DSP: variants seen among roughly 807,000 people sequenced by gnomAD.
The protein encoded by DSP is 250/210 kDa paraneoplastic pemphigus antigen.
Under a neutral mutation model 290.6 loss-of-function variants are expected in DSP, and 114 were observed. The ratio of observed to expected loss-of-function variants is 0.39; its 90% confidence interval spans 0.34 to 0.46. The LOEUF is 0.46. DSP is among the 20% of genes least tolerant of loss of function. DSP has a pLI of 0.99. For synonymous variants in DSP, 1,311 were observed against 1,316.4 expected (o/e 1.00, Z 0.09); for missense variants, 3,230 against 3,495.8 (o/e 0.92, Z 1.92).
At chr6:7,563,889 C>T (rs548570087) in intron 6 of DSP, 103 bp downstream of exon 6, 41 of 1,009,140 alleles carry the variant, frequency 4.1e-5, no homozygotes, top group Non-Finnish European at 6.5e-5. Context: ...ACCTGTTCAT[C>T]GATGCTAATG....
intron 4 of DSP, among the ~76,000 whole-genome samples, chr6:7,560,524 G>C (rs1758648551): frequency 6.6e-6 from 1 of 152,174 alleles, no homozygotes; most frequent in Admixed American, 6.5e-5. Flanking sequence ...GATTTTATAT[G>C]TAGTGCCACC....
intron 18 of DSP, among the ~76,000 whole-genome samples, chr6:7,575,726 G>A (rs562189108): frequency 2.6e-5 from 4 of 152,274 alleles, no homozygotes; most frequent in South Asian, 2.1e-4. Context: ...TTAGAGAAAC[G>A]GCAGAAGCCC....
chr6:7,551,270 A>C lies in DSP; in HGVS notation c.171-4448A>C, dbSNP rs146478808. On this transcript the variant is annotated intron_variant, in intron 1 of 23. Coordinates refer to ENST00000379802, the MANE Select transcript of DSP (RefSeq NM_004415.4). ...ATTAAAAAAAAATCTAAAATTGTGT[A>C]GTCAATAACATATATATATATAATC... 3.3e-3 allele frequency among the ~76,000 whole-genome samples: 496 copies of C among 152,170 alleles called. 4 individuals are homozygous for C. Among genetic ancestry groups the C allele is most frequent in the African/African-American group, 0.011 (462 of 41,428 alleles).
chr6:7,542,410 C>T (rs992544915), intron 1 of DSP, among the ~76,000 whole-genome samples: 1 of 152,166 alleles, frequency 6.6e-6, no homozygotes, highest in Non-Finnish European at 1.5e-5. Context: ...TTGTCCCAGC[C>T]CGCGAATGGG....
Position 7,583,579 on chromosome 6 carries a change from C to G in DSP, c.6317C>G (p.Ser2106Cys). 1 of 1,614,182 alleles carries G rather than the reference C, an allele frequency of 6.2e-7. No individual in the cohort carries two copies. The highest frequency in any genetic ancestry group is 8.5e-7 in the Non-Finnish European group (1 of 1,180,032). The change falls in exon 24 of 24, where the codon TCT (serine) becomes TGT (cysteine). Residue 2106 changes from serine (S) to cysteine (C), a missense_variant. By Grantham distance (112) the Ser-to-Cys change is moderately radical. Transcript: ENST00000379802. This position sits in a 1 kb window ranked among gnomAD's most constrained non-coding sequence, Gnocchi z 4.0. ...GATCCATTTTCAGGCAAGACAGTATCTGTTTCAGAAGCCATCAAGAAAAAT... is the reference window on the plus strand; with the variant it reads ...GATCCATTTTCAGGCAAGACAGTATGTGTTTCAGAAGCCATCAAGAAAAAT... ...FDDPFSGKTV[S>C]VSEAIKKNLI...
chr6:7,549,847 G>C (rs892777082), intron 1 of DSP, among the ~76,000 whole-genome samples: 1 of 152,142 alleles, frequency 6.6e-6, no homozygotes, highest in African/African-American at 2.4e-5. Flanking sequence ...GGCAAAGTTA[G>C]GGGGCATGGT....
In DSP at chr6:7,571,383, C is replaced by G; in HGVS notation, c.1702C>G (p.Leu568Val). ...ATCACTTCTGCCTGTCTCCTTTCAGCTGAAAACAATGCGGCAGGAAGATTA... is the reference window on the plus strand; with the variant it reads ...ATCACTTCTGCCTGTCTCCTTTCAGGTGAAAACAATGCGGCAGGAAGATTA... ...EKIRAMTIAK[L>V]KTMRQEDYMK... The change falls in exon 14 of 24, where the codon CTG (leucine) becomes GTG (valine). Residue 568 changes from leucine (L) to valine (V), a missense_variant and splice_region_variant. Physicochemically the swap from Leu to Val is conservative, Grantham distance 32 (BLOSUM62 1). Transcript: ENST00000379802. 6 of 1,614,136 alleles carry G rather than the reference C, an allele frequency of 3.7e-6. No individual in the cohort carries two copies. The highest frequency in any genetic ancestry group is 5.1e-6 in the Non-Finnish European group (6 of 1,180,022).
intron 21 of DSP, 60 bp downstream of exon 21, chr6:7,577,946 C>T: frequency 7.4e-7 from 1 of 1,349,216 alleles, no homozygotes; most frequent in South Asian, 1.2e-5. Flanking sequence ...TTCCCTTTTC[C>T]CTGTCTCCTG....
chr6:7,555,946 T>C, intron 2 of DSP, 126 bp downstream of exon 2: 1 of 799,432 alleles, frequency 1.3e-6, no homozygotes, highest in South Asian at 1.5e-5. Flanking sequence ...AGACACGCTT[T>C]TTCAGAACAG....
chr6:7,567,037 G>C (rs1406245953), intron 8 of DSP, among the ~76,000 whole-genome samples: 1 of 152,178 alleles, frequency 6.6e-6, no homozygotes, highest in Non-Finnish European at 1.5e-5. Flanking sequence ...GGCTCGGTGT[G>C]GCAAAGGGAT....
intron 1 of DSP, among the ~76,000 whole-genome samples, chr6:7,544,299 C>A (rs1278874540): frequency 2.0e-5 from 3 of 152,188 alleles, no homozygotes; most frequent in African/African-American, 7.2e-5. Flanking sequence ...CGCAGTTTTT[C>A]TGGTGGCATT....
intron 1 of DSP, among the ~76,000 whole-genome samples, chr6:7,550,107 G>A (rs1274961935): frequency 6.6e-6 from 1 of 151,852 alleles, no homozygotes; most frequent in African/African-American, 2.4e-5. Flanking sequence ...GTGCAATCTC[G>A]GCTCACTGCA....
At chr6:7,543,215 G>A (rs552877698) in intron 1 of DSP, among the ~76,000 whole-genome samples, 3 of 152,072 alleles carry the variant, frequency 2.0e-5, no homozygotes, top group South Asian at 4.1e-4. Flanking sequence ...GAGGCCCTGA[G>A]CGCCGGGACG....
chr6:7,579,134 G>T lies in DSP; in HGVS notation c.3085-141G>T, dbSNP rs1759334806. On this transcript the variant is annotated intron_variant, in intron 22 of 23. Transcript: ENST00000379802. This position sits in a 1 kb window ranked among gnomAD's most constrained non-coding sequence, Gnocchi z 4.1. Reference sequence around the variant, plus strand: ...GAGAATCCAGATTTCTTGAATATTTGCCTAGTCACTCTTTGCATGTATGTC... The same window carrying T: ...GAGAATCCAGATTTCTTGAATATTTTCCTAGTCACTCTTTGCATGTATGTC... 2 of 1,142,990 alleles carry T rather than the reference G, an allele frequency of 1.7e-6. No individual in the cohort carries two copies. Among genetic ancestry groups the T allele is most frequent in the Non-Finnish European group, 2.5e-6 (2 of 807,972 alleles). 70.8% of individuals were successfully genotyped at this position (1,142,990 alleles called of 1,614,324 possible).
chr6:7,550,518 G>A (rs192314497), intron 1 of DSP, among the ~76,000 whole-genome samples: 16 of 152,076 alleles, frequency 1.1e-4, no homozygotes, highest in Admixed American at 2.6e-4. Flanking sequence ...CATGTGGTCC[G>A]TCTTTGGATT....
chr6:7,585,599 C>T lies in DSP; in HGVS notation c.8337C>T (p.Thr2779=). 6.2e-7 allele frequency: 1 copy of T among 1,614,148 alleles called. No homozygotes were observed. Among genetic ancestry groups the T allele is most frequent in the East Asian group, 2.2e-5 (1 of 44,888 alleles). Residue 2779 remains threonine (T), a synonymous_variant, in exon 24 of 24, where the codon ACC becomes ACT. Coordinates refer to ENST00000379802, the MANE Select transcript of DSP (RefSeq NM_004415.4). ...SYAKILTCPK[T]KLKISYKDAI... is the part of the protein sequence containing the mutation. Reference sequence around the variant, plus strand: ...CCAAAATCCTGACCTGCCCCAAAACCAAATTAAAAATATCCTATAAGGATG... The same window carrying T: ...CCAAAATCCTGACCTGCCCCAAAACTAAATTAAAAATATCCTATAAGGATG...
chr6:7,576,177 A>C (rs1162172613), intron 18 of DSP, 117 bp from the exon 19 acceptor site: 1 of 1,175,600 alleles, frequency 8.5e-7, no homozygotes, highest in Non-Finnish European at 1.2e-6. Context: ...ATAAGTTTTT[A>C]TGTGGGAATA....
rs185791717 is a variant in DSP at position 7,565,096 on chromosome 6, A to T, written c.778-263A>T. ...GAGGGGGAGGTTGCAGTGAACCGAG[A>T]TCGCTCATGCCACTGCACTCCAGCC... On this transcript the variant is annotated intron_variant, in intron 6 of 23. Coordinates refer to ENST00000379802, the MANE Select transcript of DSP (RefSeq NM_004415.4). This position sits in a 1 kb window ranked among gnomAD's most constrained non-coding sequence, Gnocchi z 4.2. Among the ~76,000 whole-genome samples, 501 of 152,170 alleles carry T rather than the reference A, an allele frequency of 3.3e-3. 4 individuals are homozygous for T. The highest frequency in any genetic ancestry group is 0.012 in the African/African-American group (479 of 41,520).
rs1459962746 is a variant in DSP at position 7,565,317 on chromosome 6, G to T, written c.778-42G>T. 6.2e-7 allele frequency: 1 copy of T among 1,611,474 alleles called. No homozygotes were observed. Among genetic ancestry groups the T allele is most frequent in the Admixed American group, 1.7e-5 (1 of 59,988 alleles). On this transcript the variant is annotated intron_variant, in intron 6 of 23. Coordinates refer to ENST00000379802, the MANE Select transcript of DSP (RefSeq NM_004415.4). The surrounding 1 kb of genome is among the most constrained non-coding windows in gnomAD (Gnocchi z 4.2). Reference sequence around the variant, plus strand: ...AAACCTGCAGAGAACACCAGTCACTGCATATTGTTATTTTAATGCTGCCTT... The same window carrying T: ...AAACCTGCAGAGAACACCAGTCACTTCATATTGTTATTTTAATGCTGCCTT...
Sources: allele counts gnomAD v4.1 joint callset (sites outside exome capture counted in the v4.1 genomes callset), GRCh38; gene constraint gnomAD v4.1.1; non-coding constraint Gnocchi (gnomAD v3.1); transcripts MANE v1.5; gene names NCBI Gene and HGNC (gene_info 2026-07-23, HGNC 2026-07-21).